Variants in FBXO36 observed in about 807,000 individuals in gnomAD.
The protein encoded by FBXO36 is F-box only protein 36.
In FBXO36, 18 loss-of-function variants were observed where a neutral mutation model predicts 17.0. The ratio of observed to expected loss-of-function variants is 1.06; its 90% confidence interval spans 0.73 to 1.57. The LOEUF (loss-of-function observed/expected upper bound fraction) is 1.57. Among genes scored for constraint, FBXO36 ranks in the 40% most tolerant of loss-of-function variants. The probability of loss-of-function intolerance (pLI) is 0.00; values close to 1 mark genes in which losing one functional copy is unlikely to be tolerated. For synonymous variants in FBXO36, 83 were observed against 85.3 expected, an observed-to-expected ratio of 0.97 and a Z score of 0.15; for missense variants, 229 against 221.9, an observed-to-expected ratio of 1.03 and a Z score of -0.20.
chr2:229,997,091 T>C (rs1325320887), intron 3 of FBXO36, among the ~76,000 whole-genome samples, 168 bp downstream of exon 3: 1 of 152,010 alleles, frequency 6.6e-6, no homozygotes, highest in East Asian at 1.9e-4. Context: ...ACTTACAGTA[T>C]TATAGTAGAG....
intron 1 of FBXO36, among the ~76,000 whole-genome samples, chr2:229,969,209 C>A (rs1395652739): frequency 6.6e-6 from 1 of 151,712 alleles, no homozygotes; most frequent in East Asian, 1.9e-4. Context: ...CAAGATCAAA[C>A]AAAGTTGTTT....
chr2:229,983,429 T>C (rs1263175882), intron 2 of FBXO36, among the ~76,000 whole-genome samples: 6 of 151,842 alleles, frequency 4.0e-5, no homozygotes, highest in African/African-American at 1.2e-4. Context: ...CTCCTGAGTA[T>C]CTGGGAGTGC....
chr2:229,974,636 G>T (rs1035255263), intron 1 of FBXO36, among the ~76,000 whole-genome samples: 1 of 152,090 alleles, frequency 6.6e-6, no homozygotes. Context: ...CCCTGGGCTC[G>T]ATCTCCATTT....
chr2:229,959,685 A>C (rs925648806), intron 1 of FBXO36, among the ~76,000 whole-genome samples: 1 of 152,022 alleles, frequency 6.6e-6, no homozygotes, highest in African/African-American at 2.4e-5. Flanking sequence ...CTCTACTAAA[A>C]ATACAAAAAA....
intron 1 of FBXO36, among the ~76,000 whole-genome samples, chr2:229,971,179 C>G (rs1000053425): frequency 1.3e-5 from 2 of 151,958 alleles, no homozygotes; most frequent in Non-Finnish European, 2.9e-5. Flanking sequence ...CATGGTAAAA[C>G]CCCGTCTCTA....
At chr2:229,983,992 G>A (rs2077254172) in intron 2 of FBXO36, among the ~76,000 whole-genome samples, 1 of 152,108 alleles carries the variant, frequency 6.6e-6, no homozygotes, top group African/African-American at 2.4e-5. Context: ...CCCCAGAGAC[G>A]ACCATTCTAA....
intron 1 of FBXO36, among the ~76,000 whole-genome samples, chr2:229,941,661 G>C (rs966895560): frequency 2.0e-5 from 3 of 151,838 alleles, no homozygotes; most frequent in African/African-American, 4.8e-5. Flanking sequence ...GAGGGGATTT[G>C]TTACTCTCAC....
chr2:229,949,410 C>T (rs1174093217), intron 1 of FBXO36, among the ~76,000 whole-genome samples: 1 of 152,076 alleles, frequency 6.6e-6, no homozygotes, highest in Non-Finnish European at 1.5e-5. Flanking sequence ...TAAAAAGGAA[C>T]ACTGTGAAGC....
At chr2:229,992,438 A>T (rs779445841) in intron 2 of FBXO36, among the ~76,000 whole-genome samples, 5 of 152,152 alleles carry the variant, frequency 3.3e-5, no homozygotes, top group Non-Finnish European at 7.4e-5. Context: ...GATTACAGGC[A>T]TGAGCGACCA....
At chr2:229,995,612 G>GTTT (rs2077322663) in intron 2 of FBXO36, among the ~76,000 whole-genome samples, 4 of 79,050 alleles carry the variant, frequency 5.1e-5, no homozygotes, top group East Asian at 3.1e-4. Context: ...TTTTTTTTTG[G>GTTT]ACAGAATTTC....
intron 1 of FBXO36, among the ~76,000 whole-genome samples, chr2:229,953,318 G>A (rs1396633498): frequency 6.6e-6 from 1 of 151,834 alleles, no homozygotes; most frequent in African/African-American, 2.4e-5. Context: ...CAGCCTGGGC[G>A]ACAGAGTGAG....
Position 229,996,280 on chromosome 2 carries a change from ATAAGT to A in FBXO36, c.206-467_206-463del, listed in dbSNP as rs759518808. 1.2e-4 allele frequency among the ~76,000 whole-genome samples: 19 copies of A among 152,090 alleles called. No individual in the cohort carries two copies. In the South Asian group the frequency reaches 1.5e-3, roughly 12 times the overall value. On this transcript the variant is annotated intron_variant, in intron 2 of 3. Transcript: ENST00000283946. ...GCGACCCCATCTAAAAAAAAAAAAA[ATAAGT>A]TAAATAAGAGATCAAATGTCAGCTA...
At chr2:229,968,894 C>G (rs1157253323) in intron 1 of FBXO36, among the ~76,000 whole-genome samples, 2 of 151,948 alleles carry the variant, frequency 1.3e-5, no homozygotes, top group African/African-American at 4.8e-5. Flanking sequence ...ATGCCTCAGC[C>G]TCCCGAGTAG....
chr2:229,967,092 C>T (rs2077157410), intron 1 of FBXO36, among the ~76,000 whole-genome samples: 1 of 152,164 alleles, frequency 6.6e-6, no homozygotes, highest in South Asian at 2.1e-4. Flanking sequence ...AGGTCCTTCA[C>T]ATCCCTTGTA....
At chr2:229,946,892 C>T (rs1315184042) in intron 1 of FBXO36, among the ~76,000 whole-genome samples, 4 of 152,108 alleles carry the variant, frequency 2.6e-5, no homozygotes, top group South Asian at 2.1e-4. Context: ...AGAAGTCAGG[C>T]GCTGTGGCTC....
At chr2:229,933,486 A>G (rs1442292204) in intron 1 of FBXO36, among the ~76,000 whole-genome samples, 1 of 152,138 alleles carries the variant, frequency 6.6e-6, no homozygotes, top group Non-Finnish European at 1.5e-5. Context: ...TTCTTCTGTA[A>G]AGTTAAGTTG....
chr2:229,972,857 T>TGAGTA (rs2077187786), intron 1 of FBXO36, among the ~76,000 whole-genome samples: 1 of 151,524 alleles, frequency 6.6e-6, no homozygotes, highest in African/African-American at 2.4e-5. Context: ...AGGTCAGCAG[T>TGAGTA]TCGAGACCAG....
intron 3 of FBXO36, among the ~76,000 whole-genome samples, chr2:230,001,257 A>G (rs1241648811): frequency 6.6e-6 from 1 of 151,578 alleles, no homozygotes; most frequent in Non-Finnish European, 1.5e-5. Context: ...CCTGTTACAC[A>G]CTTCATTTAT....
At chr2:229,942,310 T>A (rs2077003661) in intron 1 of FBXO36, among the ~76,000 whole-genome samples, 1 of 152,222 alleles carries the variant, frequency 6.6e-6, no homozygotes, top group African/African-American at 2.4e-5. Context: ...GCCATTCCGC[T>A]GTGTACCACC....
Sources: gnomAD v4.1 joint callset for allele counts (sites outside exome capture counted in the v4.1 genomes callset) on GRCh38, gnomAD v4.1.1 for gene constraint, MANE v1.5 for transcripts, NCBI Gene and HGNC (gene_info 2026-07-23, HGNC 2026-07-21) for gene names.